NHSL2: variants seen among roughly 807,000 people sequenced by gnomAD.
NHSL2 encodes NHS-like protein 2.
A neutral mutation model predicts 53.4 loss-of-function variants in NHSL2; 27 were observed. The ratio of observed to expected loss-of-function variants is 0.51; its 90% CI spans 0.37 to 0.70. The LOEUF (loss-of-function observed/expected upper bound fraction) is 0.70. Ranked by LOEUF, NHSL2 falls within the 30% of genes least tolerant of loss-of-function variation. The probability of loss-of-function intolerance (pLI) is 0.00; values close to 1 mark genes in which losing one functional copy is unlikely to be tolerated. For synonymous variants in NHSL2, 408 were observed against 404.1 expected (o/e 1.01, Z -0.12); for missense variants, 892 against 980.1 (o/e 0.91, Z 1.20).
At chrX:72,059,551 C>T (rs2042388352) in intron 1 of NHSL2, among the ~76,000 whole-genome samples, 1 of 112,155 alleles carries the variant, frequency 8.9e-6, no homozygotes, top group Non-Finnish European at 1.9e-5. Flanking sequence ...GTCCTCTTTG[C>T]CTAGAATGTC....
At chrX:72,096,903 A>T (rs996862483) in intron 1 of NHSL2, among the ~76,000 whole-genome samples, 1 of 112,144 alleles carries the variant, frequency 8.9e-6, no homozygotes, top group African/African-American at 3.2e-5. Context: ...GACTACAAGC[A>T]CATGCCACCA....
intron 1 of NHSL2, among the ~76,000 whole-genome samples, chrX:72,051,571 CT>C (rs2042340737): frequency 9.0e-6 from 1 of 111,226 alleles, no homozygotes; most frequent in Non-Finnish European, 1.9e-5. Context: ...CTATCCAGCC[CT>C]CCTTCCTCTT....
chrX:72,071,881 C>T (rs953645075), intron 1 of NHSL2, among the ~76,000 whole-genome samples: 1 of 112,170 alleles, frequency 8.9e-6, no homozygotes, highest in Non-Finnish European at 1.9e-5. Context: ...TATTCATTTT[C>T]GAGGCCTCCT....
At chrX:72,005,573 T>G (rs1407178101) in intron 1 of NHSL2, among the ~76,000 whole-genome samples, 2 of 111,232 alleles carry the variant, frequency 1.8e-5, no homozygotes, top group Non-Finnish European at 3.8e-5. Context: ...GACAGGAGAG[T>G]GCAGCCCTGG....
At chrX:72,041,264 G>A (rs1297935394) in intron 1 of NHSL2, among the ~76,000 whole-genome samples, 1 of 111,726 alleles carries the variant, frequency 9.0e-6, no homozygotes, top group African/African-American at 3.3e-5. Context: ...AGTGAAGCAG[G>A]TCACATACAA....
At chrX:71,986,625 A>G (rs898596076) in intron 1 of NHSL2, among the ~76,000 whole-genome samples, 1 of 112,648 alleles carries the variant, frequency 8.9e-6, no homozygotes, top group Non-Finnish European at 1.9e-5. Flanking sequence ...CTAGTTTTAA[A>G]TAACATTTTA....
intron 1 of NHSL2, among the ~76,000 whole-genome samples, chrX:72,019,889 A>C (rs1334134130): frequency 8.9e-6 from 1 of 112,120 alleles, no homozygotes; most frequent in Non-Finnish European, 1.9e-5. Context: ...AGTGCTGGGC[A>C]GTCCAAGAGA....
At chrX:71,950,325 A>C (rs1178199299) in intron 1 of NHSL2, among the ~76,000 whole-genome samples, 1 of 112,564 alleles carries the variant, frequency 8.9e-6, no homozygotes, top group Non-Finnish European at 1.9e-5. Context: ...AACAGTCCCA[A>C]TGCCCAGCCC....
rs73565809 is a variant in NHSL2, at chrX:72,122,476, G to A, written c.281-9603G>A. On this transcript the variant is annotated intron_variant, in intron 1 of 7. Transcript: ENST00000633930. ...ACGGTAAGCACTATTAGCTATTTTT[G>A]TTGTTATTGCTGGTTTATATCAATC... 7.8e-3 allele frequency among the ~76,000 whole-genome samples: 877 copies of A among 112,573 alleles called. 8 individuals are homozygous for A. Among genetic ancestry groups the A allele is most frequent in the African/African-American group, 0.027 (846 of 30,997 alleles).
At chrX:72,126,736 C>T (rs2042229937) in intron 1 of NHSL2, among the ~76,000 whole-genome samples, 1 of 111,947 alleles carries the variant, frequency 8.9e-6, no homozygotes, top group African/African-American at 3.3e-5. Context: ...AGCTAACTCA[C>T]TGGTATCCCA....
At chrX:71,963,962 C>CACAT in intron 1 of NHSL2, among the ~76,000 whole-genome samples, 2 of 48,681 alleles carry the variant, frequency 4.1e-5, no homozygotes, top group African/African-American at 1.8e-4. Flanking sequence ...TATATATACA[C>CACAT]ATATATATAT....
chrX:72,131,294 C>A (rs758850520), intron 1 of NHSL2: 2 of 1,199,810 alleles, frequency 1.7e-6, no homozygotes. Flanking sequence ...AAGGGCAGTT[C>A]TCCCCCGGGA....
At chrX:72,022,939 A>G (rs772554642) in intron 1 of NHSL2, among the ~76,000 whole-genome samples, 20 of 112,145 alleles carry the variant, frequency 1.8e-4, no homozygotes, top group Non-Finnish European at 3.4e-4. Context: ...AGGAAAGTCA[A>G]ACATGGCTGC....
rs778147690 is a variant in NHSL2, at chrX:72,139,964, G to A, written c.2416G>A (p.Gly806Ser). 4.7e-5 allele frequency: 57 copies of A among 1,207,319 alleles called. No homozygotes were observed. The highest frequency in any genetic ancestry group is 6.3e-5 in the Non-Finnish European group (56 of 893,700). Residue 806 changes from glycine to serine, a missense_variant, in exon 6 of 8, where the codon GGC (glycine) becomes AGC (serine). Gly to Ser is a moderately conservative substitution (Grantham distance 56, BLOSUM62 0). Coordinates refer to ENST00000633930, the MANE Select transcript of NHSL2 (RefSeq NM_001013627.3). ...TCGGCACCACTCAGAGACAAATTTT[G>A]GCGTCAAGCTGGCCCAGAAAACTAA... ...VSRHHSETNF[G>S]VKLAQKTNPN...
chrX:71,956,850 G>A (rs1200587456), intron 1 of NHSL2, among the ~76,000 whole-genome samples: 1 of 111,478 alleles, frequency 9.0e-6, no homozygotes, highest in Non-Finnish European at 1.9e-5. Context: ...GTTCCATGTT[G>A]CTGTCATGAC....
At chrX:72,064,430 C>A (rs1314467990) in intron 1 of NHSL2, among the ~76,000 whole-genome samples, 2 of 112,074 alleles carry the variant, frequency 1.8e-5, no homozygotes, top group Admixed American at 9.4e-5. Flanking sequence ...CTTACTAGCT[C>A]CATTTTTTTA....
rs2042433526 is a variant in NHSL2, at chrX:72,143,235, A to G, written c.3357-18A>G. 8.9e-7 allele frequency: 1 copy of G among 1,125,657 alleles called. No individual in the cohort carries two copies. 92.8% of individuals were successfully genotyped at this position (1,125,657 alleles called of 1,213,427 possible). On this transcript the variant is annotated intron_variant, in intron 7 of 7. Transcript: ENST00000633930. ...TCTGCTGCATTAACTCACTCAGACC[A>G]AACTTTCTCTTATCTAGGTCCAAAA... is the stretch of plus-strand genomic sequence containing the variant.
intron 1 of NHSL2, among the ~76,000 whole-genome samples, chrX:71,997,209 A>C (rs764641497): frequency 9.0e-6 from 1 of 111,710 alleles, no homozygotes; most frequent in Non-Finnish European, 1.9e-5. Flanking sequence ...AAATCGGTAG[A>C]AGGGGGATCA....
chrX:72,100,431 G>A (rs1021059661), intron 1 of NHSL2, among the ~76,000 whole-genome samples: 2 of 111,942 alleles, frequency 1.8e-5, no homozygotes, highest in Non-Finnish European at 3.8e-5. Flanking sequence ...GCAAAACTAT[G>A]GTATCATCTA....
Sources: allele counts gnomAD v4.1 joint callset (sites outside exome capture counted in the v4.1 genomes callset), GRCh38; gene constraint gnomAD v4.1.1; transcripts MANE v1.5; gene names NCBI Gene and HGNC (gene_info 2026-07-23, HGNC 2026-07-21).